OSBPL3: variants seen among roughly 807,000 people sequenced by gnomAD.
The protein encoded by OSBPL3 is oxysterol-binding protein-related protein 3.
A neutral mutation model predicts 120.1 loss-of-function variants in OSBPL3; 65 were observed. The ratio of observed to expected loss-of-function variants is 0.54; its 90% CI spans 0.44 to 0.67. OSBPL3 has a LOEUF of 0.67. Ranked by LOEUF, OSBPL3 falls within the 30% of genes least tolerant of loss-of-function variation. The pLI is 0.00. For synonymous variants in OSBPL3, 416 were observed against 402.6 expected, an observed-to-expected ratio of 1.03 and a Z score of -0.40; for missense variants, 1,004 against 1,082.1, an observed-to-expected ratio of 0.93 and a Z score of 1.01.
At position 24,964,326 on chromosome 7, in the gene OSBPL3, C is replaced by T. The variant is rs1230468939; in HGVS notation, c.-150+15560G>A. On this transcript the variant is annotated intron_variant, in intron 1 of 22. Coordinates refer to ENST00000313367, the MANE Select transcript of OSBPL3 (RefSeq NM_015550.4). The surrounding 1 kb of genome is among the most constrained non-coding windows in gnomAD (Gnocchi z 4.2). ...GGTAGAGAAGCCTGACAAACACTAC[C>T]TCAACCAGATGAGCAAGGTCAACAT... Among the ~76,000 whole-genome samples, 1 of 152,136 alleles carries T rather than the reference C, an allele frequency of 6.6e-6. No individual in the cohort carries two copies. Among genetic ancestry groups the T allele is most frequent in the African/African-American group, 2.4e-5 (1 of 41,422 alleles).
At position 24,831,399 on chromosome 7, in the gene OSBPL3, GA is replaced by G. The variant is rs1464116378; in HGVS notation, c.1747-495del. Among the ~76,000 whole-genome samples, 3 of 152,172 alleles carry G rather than the reference GA, an allele frequency of 2.0e-5. No homozygotes were observed. Among genetic ancestry groups the G allele is most frequent in the Admixed American group, 1.3e-4 (2 of 15,300 alleles). ...AACCAAAACATTCATTTTGACCAAA[GA>G]AAATCTGTGAGTCATTTCCTAAGCC... On this transcript the variant is annotated intron_variant, in intron 15 of 22. Transcript: ENST00000313367. This position sits in a 1 kb window ranked among gnomAD's most constrained non-coding sequence, Gnocchi z 4.0.
At position 24,832,680 on chromosome 7, in the gene OSBPL3, C is replaced by A. The variant is rs552271259; in HGVS notation, c.1747-1775G>T. ...CACTGTGTATGGAATGCTGAATCAACCCTTAATCACCTTCACCATGTAAAA... is the reference window on the plus strand; with the variant it reads ...CACTGTGTATGGAATGCTGAATCAAACCTTAATCACCTTCACCATGTAAAA... On this transcript the variant is annotated intron_variant, in intron 15 of 22. Transcript: ENST00000313367. Among the ~76,000 whole-genome samples, 3 of 152,244 alleles carry A rather than the reference C, an allele frequency of 2.0e-5. No individual in the cohort carries two copies. In the South Asian group the frequency reaches 6.2e-4, roughly 32 times the overall value.
At position 24,830,990 on chromosome 7, in the gene OSBPL3, T is replaced by C. The variant is rs1289478230; in HGVS notation, c.1747-85A>G. 3.8e-6 allele frequency: 5 copies of C among 1,316,242 alleles called. No individual in the cohort carries two copies. Among genetic ancestry groups the C allele is most frequent in the Middle Eastern group, 1.9e-4 (1 of 5,180 alleles). 81.5% of individuals were successfully genotyped at this position (1,316,242 alleles called of 1,614,324 possible). On this transcript the variant is annotated intron_variant, in intron 15 of 22. Transcript: ENST00000313367. The surrounding 1 kb of genome is among the most constrained non-coding windows in gnomAD (Gnocchi z 4.4). ...AAAGAACTAAACAAAATAAAACCTC[T>C]ATGATTTTCTTTCAGAAAGCCAAAG...
chr7:24,870,855 C>A lies in OSBPL3; in HGVS notation c.268-10G>T. The A allele has an allele frequency of 6.4e-7, 1 of 1,572,402 alleles. No homozygotes were observed. On this transcript the variant is annotated splice_polypyrimidine_tract_variant and intron_variant, in intron 4 of 22. Transcript: ENST00000313367. ...GCTTCTCTCTCTCTATCTGCAGAGGCACCAAGAGGGTCACTTGGGGACCAT... is the reference window on the plus strand; with the variant it reads ...GCTTCTCTCTCTCTATCTGCAGAGGAACCAAGAGGGTCACTTGGGGACCAT...
chr7:24,805,810 G>T lies in OSBPL3; in HGVS notation c.2444+966C>A, dbSNP rs1023905389. On this transcript the variant is annotated intron_variant, in intron 21 of 22. Coordinates refer to ENST00000313367, the MANE Select transcript of OSBPL3 (RefSeq NM_015550.4). The surrounding 1 kb of genome is among the most constrained non-coding windows in gnomAD (Gnocchi z 4.0). ...CTGCAAAATGAATTTACCTCCCTAT[G>T]TCCATTTTTTCTAATGGGTTGATCT... is the stretch of plus-strand genomic sequence containing the variant. Among the ~76,000 whole-genome samples, 1 of 152,092 alleles carries T rather than the reference G, an allele frequency of 6.6e-6. No homozygotes were observed. Among genetic ancestry groups the T allele is most frequent in the Non-Finnish European group, 1.5e-5 (1 of 68,020 alleles).
At chr7:24,958,814 C>A (rs1815378501) in intron 1 of OSBPL3, among the ~76,000 whole-genome samples, 1 of 152,190 alleles carries the variant, frequency 6.6e-6, no homozygotes, top group Admixed American at 6.5e-5. Context: ...TATTGTAAAT[C>A]TAGTGATGGG....
rs1465030644 is a variant in OSBPL3, at chr7:24,805,296, A to G, written c.2445-859T>C. 6.6e-6 allele frequency among the ~76,000 whole-genome samples: 1 copy of G among 152,208 alleles called. No homozygotes were observed. The highest frequency in any genetic ancestry group is 1.9e-4 in the East Asian group (1 of 5,204). On this transcript the variant is annotated intron_variant, in intron 21 of 22. Transcript: ENST00000313367. The surrounding 1 kb of genome is among the most constrained non-coding windows in gnomAD (Gnocchi z 4.0). ...ATAGGTTAAAAATTGGGATGTCGAC[A>G]TGATTTTTAAATTTGCATTTTTCTT...
rs1216899615 is a variant in OSBPL3 at position 24,809,895 on chromosome 7, A to G, written c.2229T>C (p.Ser743=). The G allele has an allele frequency of 6.2e-7, 1 of 1,613,762 alleles. No individual in the cohort carries two copies. Among genetic ancestry groups the G allele is most frequent in the Non-Finnish European group, 8.5e-7 (1 of 1,179,946 alleles). The change falls in exon 20 of 23, where the codon AGT becomes AGC. Residue 743 remains serine (S), a synonymous_variant. Transcript: ENST00000313367. ...CAAACAGCCGATGAACCGCTTTTCC[A>G]CTCCTGTCAAACACTGTGCCTTCAA... is the stretch of plus-strand genomic sequence containing the variant. ...HEIEGTVFDR[S]GKAVHRLFGK... is the part of the protein sequence containing the mutation.
Position 24,854,502 on chromosome 7 carries a change from GCACA to G in OSBPL3, c.1028-1872_1028-1869del, listed in dbSNP as rs70942889. Among the ~76,000 whole-genome samples, 30,486 of 131,352 alleles carry G rather than the reference GCACA, an allele frequency of 0.23. 3,124 individuals carry two copies. The highest frequency in any genetic ancestry group is 0.24 in the Non-Finnish European group (13,817 of 58,034). 86.2% of individuals were successfully genotyped at this position (131,352 alleles called of 152,430 possible). Reference sequence around the variant, plus strand: ...CACAACAATTTGTACACACACACACGCACACACACACACACACACACACACACAC... The same window carrying G: ...CACAACAATTTGTACACACACACACGCACACACACACACACACACACACAC... On this transcript the variant is annotated intron_variant, in intron 10 of 22. Transcript: ENST00000313367. This position sits in a 1 kb window ranked among gnomAD's most constrained non-coding sequence, Gnocchi z 4.1.
rs1029457102 is a variant in OSBPL3 at position 24,896,946 on chromosome 7, C to T, written c.-149-4325G>A. ...AATTAGCCGAGCATGGTGGTGCATGCCTGTAGTCCCAGCTACTCAGGAGGC... is the reference window on the plus strand; with the variant it reads ...AATTAGCCGAGCATGGTGGTGCATGTCTGTAGTCCCAGCTACTCAGGAGGC... On this transcript the variant is annotated intron_variant, in intron 1 of 22. Transcript: ENST00000313367. This position sits in a 1 kb window ranked among gnomAD's most constrained non-coding sequence, Gnocchi z 4.4. Among the ~76,000 whole-genome samples, 1 of 151,998 alleles carries T rather than the reference C, an allele frequency of 6.6e-6. No individual in the cohort carries two copies. Among genetic ancestry groups the T allele is most frequent in the African/African-American group, 2.4e-5 (1 of 41,350 alleles).
At chr7:24,949,843 T>C (rs866990895) in intron 1 of OSBPL3, among the ~76,000 whole-genome samples, 2 of 152,152 alleles carry the variant, frequency 1.3e-5, no homozygotes, top group Non-Finnish European at 2.9e-5. Flanking sequence ...CTCTCCCCGC[T>C]CCCTCAGCGC....
At position 24,805,225 on chromosome 7, in the gene OSBPL3, C is replaced by T. The variant is rs1256775693; in HGVS notation, c.2445-788G>A. ...AGCAATGCTGAGAGTGCCCTTTTCTCCCATAACCTCAAAGTGTATAAAACT... is the reference window on the plus strand; with the variant it reads ...AGCAATGCTGAGAGTGCCCTTTTCTTCCATAACCTCAAAGTGTATAAAACT... On this transcript the variant is annotated intron_variant, in intron 21 of 22. Transcript: ENST00000313367. The surrounding 1 kb of genome is among the most constrained non-coding windows in gnomAD (Gnocchi z 4.0). 6.6e-6 allele frequency among the ~76,000 whole-genome samples: 1 copy of T among 152,184 alleles called. No homozygotes were observed. Among genetic ancestry groups the T allele is most frequent in the Non-Finnish European group, 1.5e-5 (1 of 68,032 alleles).
At chr7:24,929,793 A>G (rs1811561365) in intron 1 of OSBPL3, among the ~76,000 whole-genome samples, 1 of 152,240 alleles carries the variant, frequency 6.6e-6, no homozygotes. Flanking sequence ...TCTGATTCCA[A>G]AAGCATAAGT....
Position 24,965,853 on chromosome 7 carries a change from A to G in OSBPL3, c.-150+14033T>C, listed in dbSNP as rs1816316615. ...GGCATTAGCCACTGCGACGGACTCAACTCAAGTGTTTTACCAGTCCCTCCA... is the reference window on the plus strand; with the variant it reads ...GGCATTAGCCACTGCGACGGACTCAGCTCAAGTGTTTTACCAGTCCCTCCA... On this transcript the variant is annotated intron_variant, in intron 1 of 22. Coordinates refer to ENST00000313367, the MANE Select transcript of OSBPL3 (RefSeq NM_015550.4). This position sits in a 1 kb window ranked among gnomAD's most constrained non-coding sequence, Gnocchi z 4.3. 6.6e-6 allele frequency among the ~76,000 whole-genome samples: 1 copy of G among 152,112 alleles called. No homozygotes were observed. Among genetic ancestry groups the G allele is most frequent in the Non-Finnish European group, 1.5e-5 (1 of 68,024 alleles).
intron 2 of OSBPL3, among the ~76,000 whole-genome samples, chr7:24,876,667 A>G (rs1027867244): frequency 7.9e-5 from 12 of 152,230 alleles, no homozygotes; most frequent in African/African-American, 2.9e-4. Context: ...AGCTGTATCC[A>G]CAATTCTGTA....
Position 24,815,160 on chromosome 7 carries a change from G to A in OSBPL3, c.2071C>T (p.His691Tyr). The A allele has an allele frequency of 1.2e-6, 2 of 1,613,306 alleles. No homozygotes were observed. Among genetic ancestry groups the A allele is most frequent in the Non-Finnish European group, 1.7e-6 (2 of 1,179,292 alleles). The change falls in exon 19 of 23, where the codon CAT (histidine) becomes TAT (tyrosine). Residue 691 changes from histidine (H) to tyrosine (Y), a missense_variant. By Grantham distance (83) the His-to-Tyr change is moderately conservative. Transcript: ENST00000313367. The surrounding 1 kb of genome is among the most constrained non-coding windows in gnomAD (Gnocchi z 5.1). ...FEWNKVTSCI[H>Y]NILSGQRWIE... ...CACCTCTGCCCGCTTAAGATGTTATGGATGCAAGAGGTCACTTTGTTCCAC... is the reference window on the plus strand; with the variant it reads ...CACCTCTGCCCGCTTAAGATGTTATAGATGCAAGAGGTCACTTTGTTCCAC...
At chr7:24,962,372 AAGGAG>A (rs879593215) in intron 1 of OSBPL3, among the ~76,000 whole-genome samples, 3 of 130,886 alleles carry the variant, frequency 2.3e-5, no homozygotes, top group Non-Finnish European at 4.9e-5. Context: ...AAGAAAAAGA[AAGGAG>A]AGGAGAGGGG....
In OSBPL3 at chr7:24,817,375, G is replaced by A. The variant is rs558160653; in HGVS notation, c.1949-687C>T. Among the ~76,000 whole-genome samples, 3 of 152,080 alleles carry A rather than the reference G, an allele frequency of 2.0e-5. No individual in the cohort carries two copies. Among genetic ancestry groups the A allele is most frequent in the Non-Finnish European group, 4.4e-5 (3 of 68,016 alleles). ...CTATTAAAAATACAAAAATTAGCTG[G>A]GCGTTGTGGTGGGTGCCTGTAGTCC... On this transcript the variant is annotated intron_variant, in intron 17 of 22. Transcript: ENST00000313367. The surrounding 1 kb of genome is among the most constrained non-coding windows in gnomAD (Gnocchi z 4.0).
At chr7:24,807,853 T>G (rs1476691912) in intron 20 of OSBPL3, among the ~76,000 whole-genome samples, 1 of 152,196 alleles carries the variant, frequency 6.6e-6, no homozygotes, top group Non-Finnish European at 1.5e-5. Flanking sequence ...GCCTAAGCTC[T>G]TCACACATAA....
Sources: allele counts gnomAD v4.1 joint callset (sites outside exome capture counted in the v4.1 genomes callset), GRCh38; gene constraint gnomAD v4.1.1; non-coding constraint Gnocchi (gnomAD v3.1); transcripts MANE v1.5; gene names NCBI Gene and HGNC (gene_info 2026-07-23, HGNC 2026-07-21).